Variants in FBN1 observed in about 807,000 individuals in gnomAD.
FBN1 encodes the protein fibrillin-1.
In FBN1, 29 loss-of-function variants were observed where a neutral mutation model predicts 365.1. The observed-to-expected ratio is 0.08, with a 90% CI of 0.06 to 0.11. The LOEUF (loss-of-function observed/expected upper bound fraction) is 0.11. Among genes scored for constraint, FBN1 ranks in the 10% least tolerant of loss-of-function variants. The probability of loss-of-function intolerance (pLI) is 1.00; values close to 1 mark genes in which losing one functional copy is unlikely to be tolerated. For missense variants in FBN1, 2,476 were observed against 3,703.2 expected, an observed-to-expected ratio of 0.67 and a Z score of 8.60; for synonymous variants, 1,210 against 1,270.5, an observed-to-expected ratio of 0.95 and a Z score of 1.01.
At chr15:48,564,279 CT>C (rs2044244260) in intron 6 of FBN1, among the ~76,000 whole-genome samples, 1 of 152,156 alleles carries the variant, frequency 6.6e-6, no homozygotes, top group African/African-American at 2.4e-5. Context: ...CTTGAGAAGG[CT>C]TTTTATTGTA....
Position 48,425,874 on chromosome 15 carries a change from A to C in FBN1, c.7205-10T>G. On this transcript the variant is annotated splice_polypyrimidine_tract_variant and intron_variant, in intron 58 of 65. Transcript: ENST00000316623. Reference sequence around the variant, plus strand: ...TTGCATTCATCGATATCTGTAATTTAACAAATATAAATTAAGAAATATATC... The same window carrying C: ...TTGCATTCATCGATATCTGTAATTTCACAAATATAAATTAAGAAATATATC... The C allele has an allele frequency of 6.3e-7, 1 of 1,596,992 alleles. No homozygotes were observed. The highest frequency in any genetic ancestry group is 8.6e-7 in the Non-Finnish European group (1 of 1,164,932).
intron 23 of FBN1, among the ~76,000 whole-genome samples, chr15:48,493,274 C>T (rs1000744525): frequency 3.3e-5 from 5 of 151,986 alleles, no homozygotes; most frequent in Admixed American, 6.6e-5. Flanking sequence ...AAAGTATTCA[C>T]CACCAAGTTA....
In FBN1 at chr15:48,634,949, T is replaced by C. The variant is rs1341729677; in HGVS notation, c.164+9657A>G. ...AATACATTGTCTTTATTAATAAAGA[T>C]ATTACCATACTTCAGTTCAAAACCA... is the stretch of plus-strand genomic sequence containing the variant. On this transcript the variant is annotated intron_variant, in intron 2 of 65. Transcript: ENST00000316623. Among the ~76,000 whole-genome samples the C allele has an allele frequency of 6.0e-5, 9 of 148,936 alleles. No homozygotes were observed. The East Asian group carries it at 9.9e-4, about 16-fold the overall frequency.
chr15:48,505,060 C>A lies in FBN1; in HGVS notation c.1925G>T (p.Gly642Val), dbSNP rs1186742914. 6.2e-7 allele frequency: 1 copy of A among 1,614,172 alleles called. No homozygotes were observed. The change falls in exon 16 of 66, where the codon GGA (glycine) becomes GTA (valine). Residue 642 changes from glycine (G) to valine (V), a missense_variant. Gly to Val is a moderately radical substitution (Grantham distance 109). Transcript: ENST00000316623. The stretch of plus-strand genomic sequence containing the variant: ...ACGGCCATCCAGACCCACAGCCAGT[C>A]CAGGGAAGCATTCACATCTGTAGGA... ...DGSYRCECFP[G>V]LAVGLDGRVC...
chr15:48,415,129 T>C (rs777285825), intron 64 of FBN1, among the ~76,000 whole-genome samples: 3 of 152,132 alleles, frequency 2.0e-5, no homozygotes, highest in Non-Finnish European at 2.9e-5. Flanking sequence ...AGGAGCTAGA[T>C]ACAAAGGCAT....
In FBN1 at chr15:48,472,458, TAAAAAAAAAAAA is replaced by T. The variant is rs67860867; in HGVS notation, c.4336+81_4336+92del. 17 of 1,181,950 alleles carry T rather than the reference TAAAAAAAAAAAA, an allele frequency of 1.4e-5. No homozygotes were observed. The African/African-American group carries it at 2.8e-4, about 20-fold the overall frequency. The allele number at this position is 1,181,950 out of a possible 1,614,324, so 73.2% of individuals were successfully genotyped here. On this transcript the variant is annotated intron_variant, in intron 35 of 65. Transcript: ENST00000316623. ...AATGAAGCTAAAACACACCTCAGTT[TAAAAAAAAAAAA>T]AAAAAAAAGCATCAGGAATGTTTAA...
Position 48,600,190 on chromosome 15 carries a change from C to T in FBN1, c.391G>A (p.Asp131Asn), listed in dbSNP as rs2044550847. ...CCTTTCTGGCATAGACAGTGATCGT[C>T]ACTGCAGCTACCTCCATTCATACAG... ...IRCMNGGSCS[D>N]DHCLCQKGYI... The change falls in exon 5 of 66, where the codon GAC (aspartate) becomes AAC (asparagine). Residue 131 changes from aspartate (D) to asparagine (N), a missense_variant. Coordinates refer to ENST00000316623, the MANE Select transcript of FBN1 (RefSeq NM_000138.5). 6.2e-7 allele frequency: 1 copy of T among 1,613,976 alleles called. No individual in the cohort carries two copies. Among genetic ancestry groups the T allele is most frequent in the East Asian group, 2.2e-5 (1 of 44,866 alleles).
chr15:48,432,456 T>C (rs1429506656), intron 55 of FBN1, among the ~76,000 whole-genome samples: 2 of 152,234 alleles, frequency 1.3e-5, no homozygotes. Context: ...TGAAATAGAA[T>C]ATCCTTTGGT....
intron 38 of FBN1, among the ~76,000 whole-genome samples, chr15:48,467,081 G>C (rs1010929361): frequency 6.6e-6 from 1 of 152,176 alleles, no homozygotes; most frequent in African/African-American, 2.4e-5. Flanking sequence ...GTGACAACTA[G>C]TGGAGTCCTA....
At chr15:48,519,457 T>C (rs1294401856) in intron 10 of FBN1, among the ~76,000 whole-genome samples, 4 of 152,234 alleles carry the variant, frequency 2.6e-5, no homozygotes, top group African/African-American at 4.8e-5. Flanking sequence ...CCTAATGAGA[T>C]TGATCAACCA....
chr15:48,611,882 T>C (rs1271663775), intron 3 of FBN1, among the ~76,000 whole-genome samples: 1 of 152,204 alleles, frequency 6.6e-6, no homozygotes, highest in African/African-American at 2.4e-5. Context: ...GCAAACATGA[T>C]ATGCAAGGCT....
At chr15:48,441,926 C>T in intron 49 of FBN1, 80 bp from the exon 50 acceptor site, 1 of 1,474,772 alleles carries the variant, frequency 6.8e-7, no homozygotes. Flanking sequence ...TGTGGACACA[C>T]AAAGGGCAAC....
intron 10 of FBN1, among the ~76,000 whole-genome samples, chr15:48,520,418 T>A (rs1193597923): frequency 6.6e-6 from 1 of 152,176 alleles, no homozygotes; most frequent in African/African-American, 2.4e-5. Context: ...CCCAAAAGGT[T>A]TCTGTTTAGT....
At chr15:48,530,737 G>A (rs2141349634) in intron 8 of FBN1, among the ~76,000 whole-genome samples, 1 of 152,274 alleles carries the variant, frequency 6.6e-6, no homozygotes, top group East Asian at 1.9e-4. Context: ...AAGTAGCCAT[G>A]AGATAAATAT....
chr15:48,542,183 C>G (rs2044062883), intron 6 of FBN1, among the ~76,000 whole-genome samples: 1 of 152,180 alleles, frequency 6.6e-6, no homozygotes, highest in Admixed American at 6.5e-5. Flanking sequence ...ATTTCACTTT[C>G]ATTTGTAATC....
intron 2 of FBN1, among the ~76,000 whole-genome samples, chr15:48,636,755 A>C (rs980021173): frequency 2.6e-5 from 4 of 152,200 alleles, no homozygotes; most frequent in Non-Finnish European, 5.9e-5. Flanking sequence ...ATATGTGAAG[A>C]AGTCATACTG....
At chr15:48,434,291 G>A (rs1042350380) in intron 54 of FBN1, among the ~76,000 whole-genome samples, 2 of 152,166 alleles carry the variant, frequency 1.3e-5, no homozygotes, top group Non-Finnish European at 2.9e-5. Context: ...GAAAGTGAGA[G>A]TAAGAAAGAA....
At chr15:48,418,085 T>C (rs1317927422) in intron 63 of FBN1, among the ~76,000 whole-genome samples, 1 of 152,204 alleles carries the variant, frequency 6.6e-6, no homozygotes, top group Non-Finnish European at 1.5e-5. Context: ...GTAGGACCAA[T>C]GGTGAGAAAT....
intron 41 of FBN1, 104 bp downstream of exon 41, chr15:48,463,795 T>C (rs2043299126): frequency 7.9e-7 from 1 of 1,268,830 alleles, no homozygotes; most frequent in Non-Finnish European, 1.1e-6. Flanking sequence ...ATGCCAGCAC[T>C]CAGTCTGATG....
Sources: allele counts gnomAD v4.1 joint callset (sites outside exome capture counted in the v4.1 genomes callset), GRCh38; gene constraint gnomAD v4.1.1; transcripts MANE v1.5; gene names NCBI Gene and HGNC (gene_info 2026-07-23, HGNC 2026-07-21).